FFAR4: variants seen among roughly 807,000 people sequenced by gnomAD.
FFAR4 encodes G-protein coupled receptor 120.
A neutral mutation model predicts 27.0 loss-of-function variants in FFAR4; 19 were observed. The observed-to-expected ratio is 0.70, with a 90% CI of 0.49 to 1.03. The LOEUF is 1.03. Ranked by LOEUF, FFAR4 falls within the 50% of genes least tolerant of loss-of-function variation. FFAR4 has a pLI of 0.00. For missense variants in FFAR4, 476 were observed against 479.0 expected, an observed-to-expected ratio of 0.99 and a Z score of 0.06; for synonymous variants, 254 against 215.6, an observed-to-expected ratio of 1.18 and a Z score of -1.56.
chr10:93,583,410 C>T (rs1368602034), intron 2 of FFAR4, among the ~76,000 whole-genome samples: 2 of 144,210 alleles, frequency 1.4e-5, no homozygotes, highest in South Asian at 2.4e-4. Context: ...AGCGAGACTC[C>T]GCTTCAAAAA....
chr10:93,568,462 G>A (rs2058113143), intron 1 of FFAR4, among the ~76,000 whole-genome samples: 1 of 152,150 alleles, frequency 6.6e-6, no homozygotes, highest in Non-Finnish European at 1.5e-5. Flanking sequence ...AATATGGGGC[G>A]CCCTGAGTAA....
chr10:93,587,414 C>T lies in FFAR4; in HGVS notation c.891C>T (p.Val297=), dbSNP rs772287224. ...TCCAGAACTTCAAGCAAGACCTGGT[C>T]ATCTGGCCGTCCCTCTTCTTCTGGG... ...ILIQNFKQDL[V]IWPSLFFWVV... The change falls in exon 3 of 3, where the codon GTC becomes GTT. Residue 297 remains valine (V), a synonymous_variant. Coordinates refer to ENST00000371481, the MANE Select transcript of FFAR4 (RefSeq NM_001195755.2). 225 of 1,613,960 alleles carry T rather than the reference C, an allele frequency of 1.4e-4. No homozygotes were observed. Among genetic ancestry groups the T allele is most frequent in the Non-Finnish European group, 1.9e-4 (219 of 1,180,008 alleles).
intron 2 of FFAR4, among the ~76,000 whole-genome samples, chr10:93,586,850 C>T (rs1189465532): frequency 2.0e-5 from 3 of 152,206 alleles, no homozygotes; most frequent in African/African-American, 7.2e-5. Flanking sequence ...AGATGTTCTT[C>T]ATTTGTTCCC....
chr10:93,583,317 G>A (rs2058210174), intron 2 of FFAR4, among the ~76,000 whole-genome samples: 1 of 151,500 alleles, frequency 6.6e-6, no homozygotes, highest in Non-Finnish European at 1.5e-5. Context: ...TCAGGAGTCT[G>A]AGGCAGGAGA....
chr10:93,579,094 G>C, intron 2 of FFAR4: 1 of 1,440,986 alleles, frequency 6.9e-7, no homozygotes, highest in Admixed American at 1.7e-5. Context: ...CCTCTAAACA[G>C]CAGTTTACTC....
At chr10:93,582,192 C>T (rs939929397) in intron 2 of FFAR4, among the ~76,000 whole-genome samples, 3 of 152,038 alleles carry the variant, frequency 2.0e-5, no homozygotes, top group South Asian at 2.1e-4. Context: ...TTTTCTTCCT[C>T]GCACCCTACC....
intron 1 of FFAR4, among the ~76,000 whole-genome samples, chr10:93,569,720 T>C (rs1290358307): frequency 2.0e-5 from 3 of 151,278 alleles, no homozygotes. Context: ...GGAGCCCTAC[T>C]CACTGAAATT....
At position 93,567,083 on chromosome 10, in the gene FFAR4, C is replaced by A; in HGVS notation, c.363C>A (p.Ser121Arg). ...TGCTCTTCTACGTGATGACCCTGAGCGGCAGCGTCACCATCCTCACGCTGG... is the reference window on the plus strand; with the variant it reads ...TGCTCTTCTACGTGATGACCCTGAGAGGCAGCGTCACCATCCTCACGCTGG... ...CHLLFYVMTL[S>R]GSVTILTLAA... Residue 121 changes from serine to arginine, a missense_variant, in exon 1 of 3, where the codon AGC (serine) becomes AGA (arginine). Transcript: ENST00000371481. 6.2e-7 allele frequency: 1 copy of A among 1,610,274 alleles called. No individual in the cohort carries two copies. The highest frequency in any genetic ancestry group is 8.5e-7 in the Non-Finnish European group (1 of 1,179,246).
intron 2 of FFAR4, chr10:93,579,316 C>A: frequency 1.1e-6 from 1 of 901,498 alleles, no homozygotes; most frequent in Non-Finnish European, 1.8e-6. Flanking sequence ...CCGTTCTCAC[C>A]TTCATATTTC....
chr10:93,579,221 T>TGAGTAACA (rs772386178), intron 2 of FFAR4: 7 of 1,606,144 alleles, frequency 4.4e-6, no homozygotes, highest in Non-Finnish European at 6.0e-6. Flanking sequence ...AAGGGCACTC[T>TGAGTAACA]GAGTAACAGA....
At chr10:93,585,971 G>A (rs372497957) in intron 2 of FFAR4, among the ~76,000 whole-genome samples, 4 of 152,090 alleles carry the variant, frequency 2.6e-5, no homozygotes, top group African/African-American at 4.8e-5. Context: ...ATTTTCTCCC[G>A]CTCCTGCAAA....
At position 93,566,796 on chromosome 10, in the gene FFAR4, C is replaced by A; in HGVS notation, c.76C>A (p.Pro26Thr). Residue 26 changes from proline (P) to threonine (T), a missense_variant, in exon 1 of 3, where the codon CCC becomes ACC. Physicochemically the swap from Pro to Thr is conservative, Grantham distance 38. Coordinates refer to ENST00000371481, the MANE Select transcript of FFAR4 (RefSeq NM_001195755.2). ...GGAGCAAGCCAACCGCACCCGCTTTCCCTTCTTCTCCGACGTCAAGGGCGA... is the reference window on the plus strand; with the variant it reads ...GGAGCAAGCCAACCGCACCCGCTTTACCTTCTTCTCCGACGTCAAGGGCGA... ...SLEQANRTRF[P>T]FFSDVKGDHR... The A allele has an allele frequency of 1.9e-6, 3 of 1,608,484 alleles. No homozygotes were observed. Among genetic ancestry groups the A allele is most frequent in the Non-Finnish European group, 2.5e-6 (3 of 1,178,888 alleles).
Position 93,588,077 on chromosome 10 carries a change from G to C in FFAR4, c.*468G>C, listed in dbSNP as rs60813128. 653 of 148,270 alleles carry C rather than the reference G, an allele frequency of 4.4e-3. 3 individuals are homozygous for C. Among genetic ancestry groups the C allele is most frequent in the African/African-American group, 0.015 (584 of 39,678 alleles). 9.2% of individuals were successfully genotyped at this position (148,270 alleles called of 1,614,324 possible). A position where few individuals can be genotyped will look rare whatever the true frequency, so the allele number is the denominator to read the frequency against. On this transcript the variant is annotated 3_prime_UTR_variant, in exon 3 of 3. Coordinates refer to ENST00000371481, the MANE Select transcript of FFAR4 (RefSeq NM_001195755.2). Reference sequence around the variant, plus strand: ...TTGCACTCCAACCAGGGCAACAAGAGTGAAACTCCATCTTAAAAAAAAAAA... The same window carrying C: ...TTGCACTCCAACCAGGGCAACAAGACTGAAACTCCATCTTAAAAAAAAAAA...
At chr10:93,570,479 G>T (rs1361246984) in intron 1 of FFAR4, among the ~76,000 whole-genome samples, 2 of 151,708 alleles carry the variant, frequency 1.3e-5, no homozygotes, top group African/African-American at 4.9e-5. Context: ...CCAGCTTTCT[G>T]CTTGTGGATT....
chr10:93,578,878 C>T (rs975505694), intron 2 of FFAR4, among the ~76,000 whole-genome samples: 3 of 152,210 alleles, frequency 2.0e-5, no homozygotes, highest in African/African-American at 7.2e-5. Flanking sequence ...AGCATTTGAC[C>T]TCCTTCCTGG....
intron 1 of FFAR4, among the ~76,000 whole-genome samples, chr10:93,572,656 G>C (rs775181266): frequency 6.6e-6 from 1 of 152,186 alleles, no homozygotes; most frequent in African/African-American, 2.4e-5. Flanking sequence ...GAAGGCCAGT[G>C]CTCAGGTTTC....
intron 1 of FFAR4, among the ~76,000 whole-genome samples, chr10:93,575,623 T>TGTG (rs1479804785): frequency 2.6e-5 from 4 of 152,230 alleles, no homozygotes; most frequent in Non-Finnish European, 4.4e-5. Context: ...CCCTGTGTCC[T>TGTG]TCAGCTTACA....
At chr10:93,575,144 C>T (rs775747052) in intron 1 of FFAR4, among the ~76,000 whole-genome samples, 3 of 152,174 alleles carry the variant, frequency 2.0e-5, no homozygotes, top group Non-Finnish European at 2.9e-5. Flanking sequence ...AAATCAATAA[C>T]GTGGTCTTTT....
At chr10:93,586,803 T>A (rs1057464148) in intron 2 of FFAR4, among the ~76,000 whole-genome samples, 2 of 152,182 alleles carry the variant, frequency 1.3e-5, no homozygotes, top group Non-Finnish European at 2.9e-5. Context: ...CTCACGTTAG[T>A]CACCTCCCAG....
Sources: allele counts gnomAD v4.1 joint callset (sites outside exome capture counted in the v4.1 genomes callset), GRCh38; gene constraint gnomAD v4.1.1; transcripts MANE v1.5; gene names NCBI Gene and HGNC (gene_info 2026-07-23, HGNC 2026-07-21).